The following KCNAB1 variants were observed in gnomAD, a reference collection of about 807,000 sequenced individuals.
The protein encoded by KCNAB1 is voltage-gated potassium channel subunit beta-1.
A neutral mutation model predicts 64.6 loss-of-function variants in KCNAB1; 35 were observed. The ratio of observed to expected loss-of-function variants is 0.54; its 90% CI spans 0.41 to 0.72. The LOEUF (loss-of-function observed/expected upper bound fraction) is 0.72. KCNAB1 is among the 30% of genes least tolerant of loss of function. The pLI is 0.00. For missense variants in KCNAB1, 401 were observed against 512.9 expected (o/e 0.78, Z 2.11); for synonymous variants, 177 against 183.8 (o/e 0.96, Z 0.30).
At chr3:156,253,691 G>A (rs1430079149) in intron 1 of KCNAB1, among the ~76,000 whole-genome samples, 1 of 152,184 alleles carries the variant, frequency 6.6e-6, no homozygotes, top group African/African-American at 2.4e-5. Flanking sequence ...AACTTGCTTT[G>A]TCTAAACCAC....
chr3:156,396,864 A>G (rs2108181095), intron 1 of KCNAB1, among the ~76,000 whole-genome samples: 1 of 152,370 alleles, frequency 6.6e-6, no homozygotes, highest in East Asian at 1.9e-4. Flanking sequence ...TGGCTCTGGC[A>G]TTCACATAAC....
intron 11 of KCNAB1, 171 bp from the exon 12 acceptor site, chr3:156,523,656 G>C (rs777243410): frequency 3.1e-6 from 2 of 653,810 alleles, no homozygotes; most frequent in Non-Finnish European, 5.4e-6. Context: ...TAAACAAGGA[G>C]CAAGATCGTG....
At chr3:156,226,777 C>T (rs909372927) in intron 1 of KCNAB1, among the ~76,000 whole-genome samples, 2 of 152,278 alleles carry the variant, frequency 1.3e-5, no homozygotes, top group Middle Eastern at 6.8e-3. Flanking sequence ...TCCTTTTATT[C>T]CAGTTTCAGG....
At chr3:156,247,279 G>A (rs1021565267) in intron 1 of KCNAB1, among the ~76,000 whole-genome samples, 2 of 152,190 alleles carry the variant, frequency 1.3e-5, no homozygotes, top group African/African-American at 4.8e-5. Context: ...AAAGCCTTAT[G>A]AAGACTAGGA....
At chr3:156,169,326 C>T (rs953571424) in intron 1 of KCNAB1, among the ~76,000 whole-genome samples, 4 of 152,118 alleles carry the variant, frequency 2.6e-5, no homozygotes, top group African/African-American at 9.7e-5. Context: ...TGCTTGAGCT[C>T]AATCTATATA....
At chr3:156,459,156 G>A (rs1712690467) in intron 4 of KCNAB1, among the ~76,000 whole-genome samples, 1 of 152,128 alleles carries the variant, frequency 6.6e-6, no homozygotes, top group African/African-American at 2.4e-5. Context: ...TTACTGGGAG[G>A]GACATAGAAC....
chr3:156,509,925 G>A (rs1344472224), intron 8 of KCNAB1, among the ~76,000 whole-genome samples: 3 of 152,082 alleles, frequency 2.0e-5, no homozygotes, highest in African/African-American at 4.8e-5. Flanking sequence ...TTCAAATCAT[G>A]TAAAAACCCA....
At chr3:156,187,103 C>G (rs566967242) in intron 1 of KCNAB1, among the ~76,000 whole-genome samples, 5 of 152,328 alleles carry the variant, frequency 3.3e-5, no homozygotes, top group African/African-American at 9.6e-5. Context: ...ATCCTCCTGC[C>G]TTGGCTTCCC....
In KCNAB1 at chr3:156,363,525, G is replaced by A. The variant is rs148884227; in HGVS notation, c.276-58091G>A. The stretch of plus-strand genomic sequence containing the variant: ...GCGTCTTGCTCTGTTGCCCAGGCTG[G>A]GGTGCAATGGTGCAATCTCAGCTCA... On this transcript the variant is annotated intron_variant, in intron 1 of 13. Transcript: ENST00000490337. 7.1e-3 allele frequency among the ~76,000 whole-genome samples: 1,079 copies of A among 151,978 alleles called. 9 individuals are homozygous for A. Among genetic ancestry groups the A allele is most frequent in the African/African-American group, 0.025 (1,030 of 41,470 alleles).
chr3:156,343,487 C>A (rs1346152047), intron 1 of KCNAB1, among the ~76,000 whole-genome samples: 1 of 152,210 alleles, frequency 6.6e-6, no homozygotes, highest in Non-Finnish European at 1.5e-5. Flanking sequence ...GGAGGGATTG[C>A]TCCTCTGGCT....
At chr3:156,444,255 G>T (rs1717239171) in intron 2 of KCNAB1, among the ~76,000 whole-genome samples, 2 of 152,226 alleles carry the variant, frequency 1.3e-5, no homozygotes, top group African/African-American at 4.8e-5. Flanking sequence ...GTTGCTCAGA[G>T]CATTGTTTTG....
At chr3:156,144,605 T>G (rs1172959143) in intron 1 of KCNAB1, among the ~76,000 whole-genome samples, 1 of 152,198 alleles carries the variant, frequency 6.6e-6, no homozygotes, top group Non-Finnish European at 1.5e-5. Flanking sequence ...CTGCTGTTTC[T>G]TTCTGAATCT....
intron 1 of KCNAB1, among the ~76,000 whole-genome samples, chr3:156,327,852 C>G (rs762588230): frequency 6.6e-6 from 1 of 152,082 alleles, no homozygotes; most frequent in Non-Finnish European, 1.5e-5. Context: ...GCTTATCTCC[C>G]TTGTTTCAAG....
At chr3:156,490,170 G>T (rs1382852856) in intron 8 of KCNAB1, among the ~76,000 whole-genome samples, 1 of 151,996 alleles carries the variant, frequency 6.6e-6, no homozygotes, top group African/African-American at 2.4e-5. Context: ...GTCACCAGCA[G>T]CCAGGTCACA....
At chr3:156,294,356 C>T (rs993336650) in intron 1 of KCNAB1, among the ~76,000 whole-genome samples, 1 of 152,190 alleles carries the variant, frequency 6.6e-6, no homozygotes, top group Non-Finnish European at 1.5e-5. Context: ...CTATCTGTAA[C>T]AGTCAGGAGA....
chr3:156,300,288 G>A (rs971603711), intron 1 of KCNAB1, among the ~76,000 whole-genome samples: 1 of 152,164 alleles, frequency 6.6e-6, no homozygotes, highest in African/African-American at 2.4e-5. Context: ...TTCTTGTCCT[G>A]TCCTCTGTTG....
intron 10 of KCNAB1, among the ~76,000 whole-genome samples, chr3:156,515,880 A>G (rs1461197293): frequency 6.6e-6 from 1 of 152,226 alleles, no homozygotes; most frequent in African/African-American, 2.4e-5. Flanking sequence ...TAAAACTTCA[A>G]TAACAACCGT....
chr3:156,389,471 C>T (rs1712859278), intron 1 of KCNAB1, among the ~76,000 whole-genome samples: 1 of 152,194 alleles, frequency 6.6e-6, no homozygotes, highest in Non-Finnish European at 1.5e-5. Flanking sequence ...TTCTTATGAC[C>T]ATATGCCTGC....
chr3:156,397,109 A>G (rs6796127), intron 1 of KCNAB1, among the ~76,000 whole-genome samples: 29,583 of 152,174 alleles, frequency 0.19, 8,171 homozygotes, highest in African/African-American at 0.62. Context: ...TAATCAGAGC[A>G]AGGCCTCCTT....
Sources: gnomAD v4.1 joint callset for allele counts (sites outside exome capture counted in the v4.1 genomes callset) on GRCh38, gnomAD v4.1.1 for gene constraint, MANE v1.5 for transcripts, NCBI Gene and HGNC (gene_info 2026-07-23, HGNC 2026-07-21) for gene names.